DNAAF1: variants seen among roughly 807,000 people sequenced by gnomAD.
DNAAF1 encodes dynein axonemal assembly factor 1.
Under a neutral mutation model 71.1 loss-of-function variants are expected in DNAAF1, and 65 were observed. That is an observed-to-expected ratio of 0.91 (90% CI 0.75 to 1.12). DNAAF1 has a LOEUF of 1.12. Among genes scored for constraint, DNAAF1 ranks in the 50% most tolerant of loss-of-function variants. The pLI is 0.00. For synonymous variants in DNAAF1, 414 were observed against 354.6 expected (o/e 1.17, Z -1.88); for missense variants, 1,178 against 899.8 (o/e 1.31, Z -3.96).
In DNAAF1 at chr16:84,165,862, A is replaced by T. The variant is rs780886971; in HGVS notation, c.943A>T (p.Lys315Ter). 1.9e-6 allele frequency: 3 copies of T among 1,613,374 alleles called. No individual in the cohort carries two copies. The highest frequency in any genetic ancestry group is 1.7e-6 in the Non-Finnish European group (2 of 1,179,916). Residue 315 changes from lysine to a stop codon, truncating the protein, a stop_gained, in exon 7 of 12, where the codon AAG becomes TAG. Coordinates refer to ENST00000378553, the MANE Select transcript of DNAAF1 (RefSeq NM_178452.6). LOFTEE classifies it high-confidence loss of function. The stretch of plus-strand genomic sequence containing the variant: ...ACAGCAGTGGGAGAGCAGGGAGCGG[A>T]AGAAGATCACAGACAGCATTGAAGC... ...ERQQWESRERKKITDSIEALA... is the reference protein window; with the variant it reads ...ERQQWESRER
Position 84,158,545 on chromosome 16 carries a change from C to G in DNAAF1, c.742-1130C>G, listed in dbSNP as rs116043095. Among the ~76,000 whole-genome samples the G allele has an allele frequency of 1.1e-4, 16 of 152,220 alleles. No individual in the cohort carries two copies. The East Asian group carries it at 3.1e-3, about 29-fold the overall frequency. On this transcript the variant is annotated intron_variant, in intron 5 of 11. Transcript: ENST00000378553. ...TTTAACATGTGAATTTTGATTAGGA[C>G]ACAATTCAGCCCAGAACGAAAGCAG...
chr16:84,166,914 G>A (rs771622943), intron 7 of DNAAF1, among the ~76,000 whole-genome samples: 3 of 152,190 alleles, frequency 2.0e-5, no homozygotes, highest in African/African-American at 7.2e-5. Context: ...TTGTGGTCAC[G>A]CAATGTGCAG....
intron 8 of DNAAF1, among the ~76,000 whole-genome samples, chr16:84,171,202 G>C (rs1478796183): frequency 6.6e-6 from 1 of 152,120 alleles, no homozygotes; most frequent in Non-Finnish European, 1.5e-5. Flanking sequence ...GTGGGAGGCC[G>C]AGGCAGGCAG....
intron 3 of DNAAF1, 146 bp downstream of exon 3, chr16:84,150,488 G>T: frequency 2.7e-6 from 2 of 729,774 alleles, no homozygotes; most frequent in Non-Finnish European, 4.8e-6. Flanking sequence ...TATGGAAAAG[G>T]AATAACATTT....
intron 2 of DNAAF1, among the ~76,000 whole-genome samples, chr16:84,149,928 G>T (rs563576679): frequency 6.6e-6 from 1 of 152,050 alleles, no homozygotes; most frequent in African/African-American, 2.4e-5. Flanking sequence ...GGGAGGCTGA[G>T]GCAGGAGAAT....
At chr16:84,145,684 G>A in intron 1 of DNAAF1, 120 bp downstream of exon 1, 1 of 1,295,326 alleles carries the variant, frequency 7.7e-7, no homozygotes, top group South Asian at 1.5e-5. Context: ...AATAATAATG[G>A]TAGCAAGCAA....
At chr16:84,169,077 CTTTTTTTTT>C (rs567267370) in intron 7 of DNAAF1, among the ~76,000 whole-genome samples, 3 of 71,188 alleles carry the variant, frequency 4.2e-5, no homozygotes, top group Non-Finnish European at 7.7e-5. Context: ...CTCAAGGATA[CTTTTTTTTT>C]TTTTTTTTTT....
chr16:84,155,936 A>C lies in DNAAF1; in HGVS notation c.741+187A>C, dbSNP rs74531765. Among the ~76,000 whole-genome samples the C allele has an allele frequency of 0.056, 8,455 of 151,596 alleles. 749 individuals carry two copies. Among genetic ancestry groups the C allele is most frequent in the African/African-American group, 0.19 (8,036 of 41,320 alleles). ...CAGTTATCGTATTATTTTACCCACA[A>C]ATAGTTCAGTGTGTGCCTCTAACAG... On this transcript the variant is annotated intron_variant, in intron 5 of 11. Coordinates refer to ENST00000378553, the MANE Select transcript of DNAAF1 (RefSeq NM_178452.6).
At chr16:84,158,497 T>G (rs115526391) in intron 5 of DNAAF1, among the ~76,000 whole-genome samples, 302 of 152,360 alleles carry the variant, frequency 2.0e-3, no homozygotes, top group African/African-American at 7.1e-3. Context: ...ACAGTCACAT[T>G]CTGAGGTGCT....
chr16:84,149,272 T>C (rs1370769128), intron 2 of DNAAF1, 130 bp downstream of exon 2: 9 of 1,228,080 alleles, frequency 7.3e-6, no homozygotes, highest in Non-Finnish European at 1.1e-5. Flanking sequence ...GAGAATGGAG[T>C]GAGGATGGCA....
chr16:84,166,370 CTTTTTTTTTTT>C (rs535417461), intron 7 of DNAAF1, among the ~76,000 whole-genome samples: 3 of 118,826 alleles, frequency 2.5e-5, no homozygotes, highest in East Asian at 2.3e-4. Context: ...TTCTTTTTTT[CTTTTTTTTTTT>C]TTTTTTTTTG....
chr16:84,153,570 G>T (rs756668694), intron 3 of DNAAF1, among the ~76,000 whole-genome samples: 2 of 152,186 alleles, frequency 1.3e-5, no homozygotes, highest in Non-Finnish European at 2.9e-5. Context: ...TTATCTGTTG[G>T]CAGGAACATG....
rs62048437 is a variant in DNAAF1 at position 84,154,271 on chromosome 16, T to C, written c.353-306T>C. Among the ~76,000 whole-genome samples, 11,887 of 152,196 alleles carry C rather than the reference T, an allele frequency of 0.078. 551 individuals carry two copies. The highest frequency in any genetic ancestry group is 0.24 in the South Asian group (1,152 of 4,822). Reference sequence around the variant, plus strand: ...GGCAGATTTGGTGACTGGTGAGAGCTTGCTTTTTTATTCGCAGATGGCACT... The same window carrying C: ...GGCAGATTTGGTGACTGGTGAGAGCCTGCTTTTTTATTCGCAGATGGCACT... On this transcript the variant is annotated intron_variant, in intron 3 of 11. Transcript: ENST00000378553.
In DNAAF1 at chr16:84,177,738, A is replaced by T; in HGVS notation, c.2075A>T (p.Glu692Val). 1 of 1,613,808 alleles carries T rather than the reference A, an allele frequency of 6.2e-7. No individual in the cohort carries two copies. Among genetic ancestry groups the T allele is most frequent in the Non-Finnish European group, 8.5e-7 (1 of 1,179,864 alleles). ...FLAASSPVPTESAATPPETCV... is the reference protein window; with the variant it reads ...FLAASSPVPTVSAATPPETCV... ...ACCCTTCCTTCCACAGTGCCGACTG[A>T]GAGCGCCGCCACACCCCCAGAGACG... is the stretch of plus-strand genomic sequence containing the variant. The change falls in exon 12 of 12, where the codon GAG (glutamate) becomes GTG (valine). Residue 692 changes from glutamate to valine, a missense_variant. By Grantham distance (121) the Glu-to-Val change is moderately radical. Transcript: ENST00000378553.
intron 6 of DNAAF1, among the ~76,000 whole-genome samples, chr16:84,164,057 G>A (rs574180145): frequency 6.6e-6 from 1 of 152,164 alleles, no homozygotes; most frequent in Admixed American, 6.5e-5. Context: ...TGCCCATCTT[G>A]GCCTCCCAGA....
intron 5 of DNAAF1, among the ~76,000 whole-genome samples, chr16:84,158,142 T>C (rs546165030): frequency 3.3e-4 from 50 of 152,174 alleles, no homozygotes; most frequent in Non-Finnish European, 5.4e-4. Context: ...GAGGCAGAGC[T>C]TGCAGCGACC....
intron 6 of DNAAF1, among the ~76,000 whole-genome samples, chr16:84,165,555 G>A (rs964019576): frequency 3.3e-5 from 5 of 151,968 alleles, no homozygotes; most frequent in African/African-American, 4.8e-5. Context: ...GATGGAGTCC[G>A]ATTTCTCTAT....
intron 10 of DNAAF1, 189 bp downstream of exon 10, chr16:84,174,911 A>C: frequency 2.8e-6 from 2 of 702,984 alleles, no homozygotes; most frequent in South Asian, 1.7e-5. Flanking sequence ...GCTGCAGTGC[A>C]ATAGTGTGTT....
chr16:84,160,656 C>T (rs964478566), intron 6 of DNAAF1, among the ~76,000 whole-genome samples: 4 of 152,080 alleles, frequency 2.6e-5, no homozygotes, highest in Non-Finnish European at 5.9e-5. Context: ...AAACCAGGGC[C>T]GGGCGTGGTG....
Sources: gnomAD v4.1 joint callset for allele counts (sites outside exome capture counted in the v4.1 genomes callset) on GRCh38, gnomAD v4.1.1 for gene constraint, MANE v1.5 for transcripts, NCBI Gene and HGNC (gene_info 2026-07-23, HGNC 2026-07-21) for gene names.